Variants in TSC22D3 observed in about 807,000 individuals in gnomAD.
TSC22D3 encodes the protein TSC22 domain family member 3.
TSC22D3 carries 4 observed loss-of-function variants against 11.1 expected under a neutral mutation model. That is an observed-to-expected ratio of 0.36 (90% CI 0.18 to 0.83). The LOEUF is 0.83. Ranked by LOEUF, TSC22D3 falls within the 40% of genes least tolerant of loss-of-function variation. TSC22D3 has a pLI of 0.48. For synonymous variants in TSC22D3, 77 were observed against 70.3 expected (o/e 1.10, Z -0.48); for missense variants, 118 against 159.4 (o/e 0.74, Z 1.40).
chrX:107,767,613 C>T lies in TSC22D3; in HGVS notation c.320+7487G>A, dbSNP rs563712325. 2.7e-5 allele frequency among the ~76,000 whole-genome samples: 3 copies of T among 112,379 alleles called. No homozygotes were observed. In the South Asian group the frequency reaches 1.1e-3, roughly 42 times the overall value. Reference sequence around the variant, plus strand: ...TCTCACAGATCGCATCTTAGCCCCACTCCAACTCTAGTTAAGCTGGATTTC... The same window carrying T: ...TCTCACAGATCGCATCTTAGCCCCATTCCAACTCTAGTTAAGCTGGATTTC... On this transcript the variant is annotated intron_variant, in intron 1 of 2. Transcript: ENST00000372383.
intron 1 of TSC22D3, among the ~76,000 whole-genome samples, chrX:107,769,499 G>A (rs777848086): frequency 9.0e-6 from 1 of 111,180 alleles, no homozygotes; most frequent in East Asian, 2.8e-4. Flanking sequence ...ATAGGGAAAC[G>A]GTGAGTTATT....
intron 1 of TSC22D3, among the ~76,000 whole-genome samples, chrX:107,759,731 C>T (rs934028035): frequency 8.9e-6 from 1 of 112,827 alleles, no homozygotes; most frequent in African/African-American, 3.2e-5. Context: ...GGATGCTTCT[C>T]TCCTTTCTTT....
At chrX:107,755,787 T>A (rs1929146033) in intron 1 of TSC22D3, among the ~76,000 whole-genome samples, 1 of 112,202 alleles carries the variant, frequency 8.9e-6, no homozygotes, top group South Asian at 3.7e-4. Flanking sequence ...TTGACTTGCT[T>A]CCTGGAAATA....
intron 1 of TSC22D3, chrX:107,716,590 A>T: frequency 1.1e-6 from 1 of 877,997 alleles, no homozygotes; most frequent in Non-Finnish European, 1.4e-6. Context: ...CGCGGGGAAC[A>T]GGGACCGGCG....
intron 1 of TSC22D3, among the ~76,000 whole-genome samples, chrX:107,755,460 A>T (rs969742578): frequency 8.9e-6 from 1 of 112,625 alleles, no homozygotes; most frequent in Non-Finnish European, 1.9e-5. Context: ...CAGAACCTTC[A>T]TCGTCTTTCT....
intron 1 of TSC22D3, among the ~76,000 whole-genome samples, chrX:107,758,920 G>T (rs1929303343): frequency 9.1e-6 from 1 of 110,021 alleles, no homozygotes; most frequent in African/African-American, 3.3e-5. Flanking sequence ...TCGCTCTGTC[G>T]CACAGGCTGG....
intron 1 of TSC22D3, among the ~76,000 whole-genome samples, chrX:107,743,531 G>A (rs1055824392): frequency 2.7e-5 from 3 of 112,005 alleles, no homozygotes; most frequent in East Asian, 2.8e-4. Flanking sequence ...CAGGTATTTC[G>A]GGCCCCAGAA....
At chrX:107,746,875 C>CT (rs894909698) in intron 1 of TSC22D3, among the ~76,000 whole-genome samples, 1 of 112,345 alleles carries the variant, frequency 8.9e-6, no homozygotes, top group Non-Finnish European at 1.9e-5. Context: ...GCTAGGTGAA[C>CT]TGGATAAATA....
chrX:107,752,698 A>T (rs757830606), intron 1 of TSC22D3, among the ~76,000 whole-genome samples: 2 of 111,358 alleles, frequency 1.8e-5, no homozygotes, highest in Non-Finnish European at 3.8e-5. Flanking sequence ...GTTAGGAGCC[A>T]CCTGGATGGA....
chrX:107,727,634 A>C (rs1311329469), intron 1 of TSC22D3, among the ~76,000 whole-genome samples: 1 of 111,644 alleles, frequency 9.0e-6, no homozygotes, highest in African/African-American at 3.3e-5. Flanking sequence ...AATGTGATAA[A>C]CTCTATGATA....
rs767285602 is a variant in TSC22D3, at chrX:107,731,659, T to C, written c.321-15709A>G. Among the ~76,000 whole-genome samples the C allele has an allele frequency of 4.5e-5, 5 of 111,570 alleles. No homozygotes were observed. In the South Asian group the frequency reaches 1.9e-3, roughly 42 times the overall value. ...TCTGACAGTCTCAGTCTCGATCTCC[T>C]CAGATGCAGCTATTTGCAACCATGC... is the stretch of plus-strand genomic sequence containing the variant. On this transcript the variant is annotated intron_variant, in intron 1 of 2. Transcript: ENST00000372383.
intron 1 of TSC22D3, among the ~76,000 whole-genome samples, chrX:107,769,474 T>TAC (rs1929805667): frequency 9.1e-6 from 1 of 110,026 alleles, no homozygotes; most frequent in Non-Finnish European, 1.9e-5. Context: ...TACCAGGGGG[T>TAC]AGTGGGAGGG....
rs746317834 is a variant in TSC22D3, at chrX:107,715,967, C to T, written c.321-17G>A. 1.2e-4 allele frequency: 144 copies of T among 1,201,580 alleles called. No individual in the cohort carries two copies. The highest frequency in any genetic ancestry group is 1.6e-4 in the Non-Finnish European group (142 of 890,188). On this transcript the variant is annotated splice_polypyrimidine_tract_variant and intron_variant, in intron 1 of 2. Transcript: ENST00000372383. ...CCGGAGGCACTGCCAAGACAAAAAG[C>T]AAAGCGACCCATTACCCACTCGGTT...
intron 1 of TSC22D3, among the ~76,000 whole-genome samples, chrX:107,734,309 C>T (rs1928025606): frequency 8.9e-6 from 1 of 112,666 alleles, no homozygotes; most frequent in Admixed American, 9.3e-5. Context: ...TTGGCTGGAA[C>T]ATCTCTTGCT....
chrX:107,736,684 G>A (rs770605420), intron 1 of TSC22D3, among the ~76,000 whole-genome samples: 40 of 111,055 alleles, frequency 3.6e-4, no homozygotes, highest in Non-Finnish European at 7.2e-4. Context: ...CTTTCGGTCT[G>A]TGCTCGATTT....
chrX:107,723,350 C>G (rs1399919030), intron 1 of TSC22D3, among the ~76,000 whole-genome samples: 1 of 112,484 alleles, frequency 8.9e-6, no homozygotes, highest in Non-Finnish European at 1.9e-5. Context: ...AGTTGCTAGT[C>G]CCTTTCTTCC....
In TSC22D3 at chrX:107,714,170, C is replaced by A; in HGVS notation, c.*349G>T. ...GTCCATGGAGATGAGAAACAGACCC[C>A]TTAAACTTTCTGGAGCAAACTGGTG... On this transcript the variant is annotated 3_prime_UTR_variant, in exon 3 of 3. Coordinates refer to ENST00000372383, the MANE Select transcript of TSC22D3 (RefSeq NM_198057.3). The A allele has an allele frequency of 5.5e-6, 1 of 182,625 alleles. No homozygotes were observed. Among genetic ancestry groups the A allele is most frequent in the Non-Finnish European group, 1.0e-5 (1 of 96,924 alleles). 15.1% of individuals were successfully genotyped at this position (182,625 alleles called of 1,213,427 possible). A position where few individuals can be genotyped will look rare whatever the true frequency, so the allele number is the denominator to read the frequency against.
chrX:107,731,399 G>C (rs1307644173), intron 1 of TSC22D3, among the ~76,000 whole-genome samples: 1 of 111,944 alleles, frequency 8.9e-6, no homozygotes, highest in Non-Finnish European at 1.9e-5. Flanking sequence ...ACCTGGAAAA[G>C]TTCCAGAACC....
At chrX:107,747,421 C>T (rs1334550742) in intron 1 of TSC22D3, among the ~76,000 whole-genome samples, 1 of 112,535 alleles carries the variant, frequency 8.9e-6, no homozygotes, top group Non-Finnish European at 1.9e-5. Flanking sequence ...TGTAGTGTGA[C>T]ATCTAAGTGG....
Sources: allele counts gnomAD v4.1 joint callset (sites outside exome capture counted in the v4.1 genomes callset), GRCh38; gene constraint gnomAD v4.1.1; transcripts MANE v1.5; gene names NCBI Gene and HGNC (gene_info 2026-07-23, HGNC 2026-07-21).